EYS: variants seen among roughly 807,000 people sequenced by gnomAD.
EYS encodes protein eyes shut homolog.
A neutral mutation model predicts 282.1 loss-of-function variants in EYS; 250 were observed. The observed-to-expected ratio is 0.89, with a 90% CI of 0.80 to 0.98. EYS has a LOEUF of 0.98. EYS is among the 50% of genes least tolerant of loss of function. The pLI is 0.00. For missense variants in EYS, 4,016 were observed against 3,709.0 expected (o/e 1.08, Z -2.15); for synonymous variants, 1,355 against 1,282.9 (o/e 1.06, Z -1.20).
chr6:64,093,270 GT>G (rs1250457657), intron 31 of EYS, among the ~76,000 whole-genome samples: 1 of 152,122 alleles, frequency 6.6e-6, no homozygotes, highest in Admixed American at 6.5e-5. Context: ...CTTTAAAGTA[GT>G]TTTTTCCAAT....
intron 5 of EYS, among the ~76,000 whole-genome samples, chr6:65,429,585 T>G (rs2150382977): frequency 6.6e-6 from 1 of 152,276 alleles, no homozygotes; most frequent in Non-Finnish European, 1.5e-5. Context: ...CTTCATTGGT[T>G]CCAAACCCAA....
rs1421777866 is a variant in EYS at position 65,604,842 on chromosome 6, C to T, written c.-333+34936G>A. Among the ~76,000 whole-genome samples the T allele has an allele frequency of 5.6e-4, 73 of 130,398 alleles. 1 individual carries two copies. The highest frequency in any genetic ancestry group is 1.7e-3 in the African/African-American group (60 of 36,056). The allele number at this position is 130,398 out of a possible 152,430, so 85.5% of individuals were successfully genotyped here. ...AAAAGACCTTTAAATTCACTGCCCC[C>T]TTTTTTTTTTTTTTTTTTTGAGACA... On this transcript the variant is annotated intron_variant, in intron 2 of 42. Transcript: ENST00000503581.
chr6:64,556,309 A>G (rs1269305412), intron 26 of EYS, among the ~76,000 whole-genome samples: 1 of 152,040 alleles, frequency 6.6e-6, no homozygotes, highest in African/African-American at 2.4e-5. Context: ...AAAATGAATG[A>G]ACTATGGGTA....
At chr6:64,098,148 TATCA>T (rs1167888706) in intron 31 of EYS, among the ~76,000 whole-genome samples, 1 of 152,206 alleles carries the variant, frequency 6.6e-6, no homozygotes, top group African/African-American at 2.4e-5. Context: ...TATGTAACAC[TATCA>T]ATCGTTTTCC....
At chr6:64,673,084 A>G (rs1339731999) in intron 22 of EYS, among the ~76,000 whole-genome samples, 1 of 152,070 alleles carries the variant, frequency 6.6e-6, no homozygotes, top group Non-Finnish European at 1.5e-5. Flanking sequence ...AACCAATTTT[A>G]CCCTTTCTTT....
chr6:65,416,137 T>G (rs2150373566), intron 5 of EYS, among the ~76,000 whole-genome samples: 1 of 152,036 alleles, frequency 6.6e-6, no homozygotes, highest in South Asian at 2.1e-4. Flanking sequence ...CTTTGTTGTT[T>G]GAGGGAATGA....
chr6:64,133,765 G>A (rs1000527812), intron 31 of EYS, among the ~76,000 whole-genome samples: 1 of 151,468 alleles, frequency 6.6e-6, no homozygotes, highest in Non-Finnish European at 1.5e-5. Flanking sequence ...CTGATCTCTG[G>A]GCCTAACTAA....
chr6:65,232,798 G>C (rs1012738329), intron 12 of EYS, among the ~76,000 whole-genome samples: 1 of 152,006 alleles, frequency 6.6e-6, no homozygotes, highest in African/African-American at 2.4e-5. Context: ...ATTTGGGTGG[G>C]GAGTGATAAT....
chr6:64,215,304 A>T (rs771504788), intron 31 of EYS, among the ~76,000 whole-genome samples: 1 of 151,732 alleles, frequency 6.6e-6, no homozygotes, highest in African/African-American at 2.4e-5. Context: ...CTTCCTGGGG[A>T]ATTTTTAAAG....
chr6:65,482,951 A>G (rs1257842969), intron 5 of EYS, among the ~76,000 whole-genome samples: 1 of 152,202 alleles, frequency 6.6e-6, no homozygotes, highest in Non-Finnish European at 1.5e-5. Flanking sequence ...ATTAACTAAT[A>G]ATGTATAGCA....
rs1478509255 is a variant in EYS, at chr6:65,019,907, C to CT, written c.2138-22205_2138-22204insA. On this transcript the variant is annotated intron_variant, in intron 13 of 42. Coordinates refer to ENST00000503581, the MANE Select transcript of EYS (RefSeq NM_001142800.2). ...CATGTCCCTCTTCACATGGCGGCAG[C>CT]AAGAAGTGCCGAGCAAAATGGGGAA... 4.8e-5 allele frequency among the ~76,000 whole-genome samples: 6 copies of CT among 125,200 alleles called. No homozygotes were observed. In the East Asian group the frequency reaches 1.2e-3, roughly 26 times the overall value. 82.1% of individuals were successfully genotyped at this position (125,200 alleles called of 152,430 possible). A position where few individuals can be genotyped will look rare whatever the true frequency, so the allele number is the denominator to read the frequency against.
At chr6:63,777,367 C>T (rs1770090893) in intron 40 of EYS, among the ~76,000 whole-genome samples, 1 of 152,122 alleles carries the variant, frequency 6.6e-6, no homozygotes, top group South Asian at 2.1e-4. Flanking sequence ...AGCATTTTGA[C>T]AAATCTCTCT....
At chr6:65,491,510 A>T (rs780848042) in intron 4 of EYS, 8 of 359,058 alleles carry the variant, frequency 2.2e-5, no homozygotes, top group Admixed American at 3.5e-5. Context: ...ATTATCATTG[A>T]TGTCTTTCAA....
chr6:65,571,426 A>G (rs1449335872), intron 2 of EYS, among the ~76,000 whole-genome samples: 2 of 152,052 alleles, frequency 1.3e-5, no homozygotes, highest in African/African-American at 4.8e-5. Flanking sequence ...TTTCTGGTAC[A>G]GAGAAGGATA....
chr6:64,100,062 CTAAATGAAGGTTTACCTGTG>C (rs1772774032), intron 31 of EYS, among the ~76,000 whole-genome samples: 1 of 152,022 alleles, frequency 6.6e-6, no homozygotes, highest in African/African-American at 2.4e-5. Context: ...ACCTTATTGT[CTAAATGAAGGTTTACCTGTG>C]CAGATATTTC....
chr6:64,127,901 A>G (rs544918753), intron 31 of EYS, among the ~76,000 whole-genome samples: 1 of 152,278 alleles, frequency 6.6e-6, no homozygotes, highest in African/African-American at 2.4e-5. Flanking sequence ...AAAGAATTGT[A>G]TCTCAAAAAA....
chr6:64,819,158 A>G, intron 21 of EYS, among the ~76,000 whole-genome samples: 1 of 152,148 alleles, frequency 6.6e-6, no homozygotes. Context: ...AGAAAGCTAA[A>G]ATAAATAGGG....
chr6:64,085,317 C>G, intron 31 of EYS, among the ~76,000 whole-genome samples: 1 of 136,032 alleles, frequency 7.4e-6, no homozygotes, highest in Admixed American at 7.1e-5. Context: ...CTTCCAGACG[C>G]GCGCGCGTGC....
At chr6:64,152,555 G>T (rs145412739) in intron 31 of EYS, among the ~76,000 whole-genome samples, 2 of 152,094 alleles carry the variant, frequency 1.3e-5, no homozygotes, top group Non-Finnish European at 2.9e-5. Flanking sequence ...AATTACAAGG[G>T]ATGTCTCTGG....
Sources: gnomAD v4.1 joint callset for allele counts (sites outside exome capture counted in the v4.1 genomes callset) on GRCh38, gnomAD v4.1.1 for gene constraint, MANE v1.5 for transcripts, NCBI Gene and HGNC (gene_info 2026-07-23, HGNC 2026-07-21) for gene names.